CHERP: variants seen among roughly 807,000 people sequenced by gnomAD.
The protein encoded by CHERP is ERPROT 213-21.
In CHERP, 8 loss-of-function variants were observed where a neutral mutation model predicts 113.8. The observed-to-expected ratio is 0.07, with a 90% CI of 0.04 to 0.13. The LOEUF (loss-of-function observed/expected upper bound fraction) is 0.13. Among genes scored for constraint, CHERP ranks in the 10% least tolerant of loss-of-function variants. The pLI, the probability that CHERP is intolerant of heterozygous loss-of-function variation, is 1.00. For missense variants in CHERP, 884 were observed against 1,298.2 expected (o/e 0.68, Z 4.90); for synonymous variants, 559 against 524.5 (o/e 1.07, Z -0.90).
rs139969568 is a variant in CHERP at position 16,527,999 on chromosome 19, G to A, written c.1305+81C>T. On this transcript the variant is annotated intron_variant, in intron 9 of 16. Transcript: ENST00000546361. ...ATTGTTCCCCAGTAAGCCACTCAAC[G>A]CCCACCAACTGGCATAGGGGAGGCT... The A allele has an allele frequency of 5.3e-4, 734 of 1,384,854 alleles. 6 individuals carry two copies. In the South Asian group the frequency reaches 7.7e-3, roughly 14 times the overall value. The allele number at this position is 1,384,854 out of a possible 1,614,324, so 85.8% of individuals were successfully genotyped here.
At chr19:16,526,712 C>G (rs945369058) in intron 9 of CHERP, among the ~76,000 whole-genome samples, 1 of 152,110 alleles carries the variant, frequency 6.6e-6, no homozygotes, top group African/African-American at 2.4e-5. Flanking sequence ...AATGATCTGC[C>G]CACCTCAGCC....
At chr19:16,536,076 G>T (rs1181784719) in intron 2 of CHERP, among the ~76,000 whole-genome samples, 1 of 152,166 alleles carries the variant, frequency 6.6e-6, no homozygotes, top group African/African-American at 2.4e-5. Flanking sequence ...TGACTGTTAA[G>T]ATGTCACAGC....
In CHERP at chr19:16,519,771, G is replaced by T; in HGVS notation, c.2463-56C>A. On this transcript the variant is annotated intron_variant, in intron 15 of 16. Coordinates refer to ENST00000546361, the MANE Select transcript of CHERP (RefSeq NM_006387.6). This position sits in a 1 kb window ranked among gnomAD's most constrained non-coding sequence, Gnocchi z 6.0. ...AAGTAACTGAGACATTTATTGGAAT[G>T]ACAGTGATGAGGACCTCACAGCCGC... 6.9e-7 allele frequency: 1 copy of T among 1,444,344 alleles called. No homozygotes were observed. Among genetic ancestry groups the T allele is most frequent in the Non-Finnish European group, 9.7e-7 (1 of 1,025,814 alleles). The allele number at this position is 1,444,344 out of a possible 1,614,324, so 89.5% of individuals were successfully genotyped here. A position where few individuals can be genotyped will look rare whatever the true frequency, so the allele number is the denominator to read the frequency against.
intron 8 of CHERP, among the ~76,000 whole-genome samples, chr19:16,528,675 C>T (rs1431701698): frequency 1.3e-5 from 2 of 152,138 alleles, no homozygotes; most frequent in African/African-American, 4.8e-5. Flanking sequence ...TTTGCTAGGC[C>T]GGGTGCGGTG....
At position 16,518,714 on chromosome 19, in the gene CHERP, G is replaced by A. The variant is rs2085573324; in HGVS notation, c.*445C>T. 1 of 179,614 alleles carries A rather than the reference G, an allele frequency of 5.6e-6. No individual in the cohort carries two copies. Among genetic ancestry groups the A allele is most frequent in the Non-Finnish European group, 1.1e-5 (1 of 87,044 alleles). The allele number at this position is 179,614 out of a possible 1,614,324, so 11.1% of individuals were successfully genotyped here. On this transcript the variant is annotated 3_prime_UTR_variant, in exon 17 of 17. Coordinates refer to ENST00000546361, the MANE Select transcript of CHERP (RefSeq NM_006387.6). Reference sequence around the variant, plus strand: ...CACAGCCGAGGGGAAGCCAGGTCAGGGCCGGTGGGTGCGGGGAGCTGGAGG... The same window carrying A: ...CACAGCCGAGGGGAAGCCAGGTCAGAGCCGGTGGGTGCGGGGAGCTGGAGG...
Position 16,525,041 on chromosome 19 carries a change from G to A in CHERP, c.1741+201C>T, listed in dbSNP as rs1240925419. The stretch of plus-strand genomic sequence containing the variant: ...GGCTCTGCCTCATCTGCAGCCAGCC[G>A]GGCCTCATCAGGGCGGCAAAACTGA... On this transcript the variant is annotated intron_variant, in intron 10 of 16. Coordinates refer to ENST00000546361, the MANE Select transcript of CHERP (RefSeq NM_006387.6). The surrounding 1 kb of genome is among the most constrained non-coding windows in gnomAD (Gnocchi z 6.5). Among the ~76,000 whole-genome samples, 3 of 152,152 alleles carry A rather than the reference G, an allele frequency of 2.0e-5. No individual in the cohort carries two copies. Among genetic ancestry groups the A allele is most frequent in the Non-Finnish European group, 2.9e-5 (2 of 68,030 alleles).
chr19:16,541,943 G>A lies in CHERP; in HGVS notation c.126C>T (p.Pro42=), dbSNP rs780629272. ...KMTMEKQKDN[P]KFSFLFGGEF... ...CGCCTCCGAAAAGAAACGAGAATTT[G>A]GGGTTGTCCTTCTGCTTCTCCATAG... Residue 42 remains proline, a synonymous_variant, in exon 2 of 17, where the codon CCC becomes CCT. Transcript: ENST00000546361. The A allele has an allele frequency of 4.3e-6, 7 of 1,614,036 alleles. No homozygotes were observed. Among genetic ancestry groups the A allele is most frequent in the Middle Eastern group, 1.7e-4 (1 of 6,052 alleles).
rs756090570 is a variant in CHERP, at chr19:16,530,751, G to A, written c.786+18C>T. The A allele has an allele frequency of 8.7e-6, 14 of 1,613,744 alleles. No individual in the cohort carries two copies. The highest frequency in any genetic ancestry group is 2.7e-5 in the African/African-American group (2 of 74,924). On this transcript the variant is annotated intron_variant, in intron 6 of 16. Transcript: ENST00000546361. The surrounding 1 kb of genome is among the most constrained non-coding windows in gnomAD (Gnocchi z 4.1). ...TGTGTCCCGGTCTTGCCCAACCCCC[G>A]GCCCGGGGCCCACGCACCCGGGCGA... is the stretch of plus-strand genomic sequence containing the variant.
chr19:16,519,729 A>G lies in CHERP; in HGVS notation c.2463-14T>C. 10 of 1,602,840 alleles carry G rather than the reference A, an allele frequency of 6.2e-6. No individual in the cohort carries two copies. The highest frequency in any genetic ancestry group is 8.5e-6 in the Non-Finnish European group (10 of 1,169,936). On this transcript the variant is annotated splice_polypyrimidine_tract_variant and intron_variant, in intron 15 of 16. Transcript: ENST00000546361. The surrounding 1 kb of genome is among the most constrained non-coding windows in gnomAD (Gnocchi z 6.0). ...CCAGCAGAGGAACTAAAATCGAGAC[A>G]GGTTATTCTTTTTAAGAAGTAACTG...
chr19:16,520,713 ATAGGCACAGGCTG>A lies in CHERP; in HGVS notation c.2201+100_2201+112del. The A allele has an allele frequency of 8.2e-7, 1 of 1,223,530 alleles. No individual in the cohort carries two copies. Among genetic ancestry groups the A allele is most frequent in the Non-Finnish European group, 1.2e-6 (1 of 837,950 alleles). 75.8% of individuals were successfully genotyped at this position (1,223,530 alleles called of 1,614,324 possible). A position where few individuals can be genotyped will look rare whatever the true frequency, so the allele number is the denominator to read the frequency against. Reference sequence around the variant, plus strand: ...CAGGCCTTGTGGAAAACACCGCCCCATAGGCACAGGCTGTGTGAGGGTGGACGTGATGAGTGTA... The same window carrying A: ...CAGGCCTTGTGGAAAACACCGCCCCATGTGAGGGTGGACGTGATGAGTGTA... On this transcript the variant is annotated intron_variant, in intron 13 of 16. Coordinates refer to ENST00000546361, the MANE Select transcript of CHERP (RefSeq NM_006387.6). This position sits in a 1 kb window ranked among gnomAD's most constrained non-coding sequence, Gnocchi z 4.0.
Position 16,530,010 on chromosome 19 carries a change from G to C in CHERP, c.877-110C>G, listed in dbSNP as rs2085687959. ...GCAGAGCCTGGGGGACCTGGGGCAG[G>C]TGGACAGGGAACCGTCACGTGAAAC... is the stretch of plus-strand genomic sequence containing the variant. On this transcript the variant is annotated intron_variant, in intron 7 of 16. Coordinates refer to ENST00000546361, the MANE Select transcript of CHERP (RefSeq NM_006387.6). This position sits in a 1 kb window ranked among gnomAD's most constrained non-coding sequence, Gnocchi z 4.1. 1 of 1,405,552 alleles carries C rather than the reference G, an allele frequency of 7.1e-7. No individual in the cohort carries two copies. The highest frequency in any genetic ancestry group is 9.6e-7 in the Non-Finnish European group (1 of 1,045,402). 87.1% of individuals were successfully genotyped at this position (1,405,552 alleles called of 1,614,324 possible).
intron 8 of CHERP, among the ~76,000 whole-genome samples, chr19:16,528,961 AT>A (rs2085675989): frequency 6.6e-6 from 1 of 152,216 alleles, no homozygotes; most frequent in Non-Finnish European, 1.5e-5. Context: ...TCAAAAAAAA[AT>A]CAAAAACAAA....
intron 2 of CHERP, 30 bp downstream of exon 2, chr19:16,541,840 G>A (rs1164480063): frequency 7.5e-6 from 12 of 1,597,940 alleles, no homozygotes; most frequent in African/African-American, 1.4e-5. Flanking sequence ...AGCGCTCGAT[G>A]GGACGGCCTG....
Position 16,518,815 on chromosome 19 carries a change from TC to T in CHERP, c.*343del, listed in dbSNP as rs1273533568. 3.5e-6 allele frequency: 1 copy of T among 286,374 alleles called. No individual in the cohort carries two copies. The highest frequency in any genetic ancestry group is 6.7e-6 in the Non-Finnish European group (1 of 150,284). 17.7% of individuals were successfully genotyped at this position (286,374 alleles called of 1,614,324 possible). ...TCCTCCTGGAGCCTAGGAGGAGGCT[TC>T]AATCTGACTTAGGGCAGATGCACAT... is the stretch of plus-strand genomic sequence containing the variant. On this transcript the variant is annotated 3_prime_UTR_variant, in exon 17 of 17. Transcript: ENST00000546361.
Position 16,529,895 on chromosome 19 carries a change from G to A in CHERP, c.882C>T (p.Thr294=), listed in dbSNP as rs1284706629. The A allele has an allele frequency of 1.2e-6, 2 of 1,613,068 alleles. No individual in the cohort carries two copies. The change falls in exon 8 of 17, where the codon ACC becomes ACT. Residue 294 remains threonine, a synonymous_variant. Transcript: ENST00000546361. ...CCACTGAGGAGTACTCGTTGATGAGGGTGGCCTGAGAGAGAGAAGAGCACC... is the reference window on the plus strand; with the variant it reads ...CCACTGAGGAGTACTCGTTGATGAGAGTGGCCTGAGAGAGAGAAGAGCACC... The part of the protein sequence containing the change: ...PALGLGQYQA[T]LINEYSSVVQ...
chr19:16,519,078 T>G lies in CHERP; in HGVS notation c.*81A>C. 3.1e-6 allele frequency: 4 copies of G among 1,295,190 alleles called. No homozygotes were observed. Among genetic ancestry groups the G allele is most frequent in the Non-Finnish European group, 4.3e-6 (4 of 927,140 alleles). 80.2% of individuals were successfully genotyped at this position (1,295,190 alleles called of 1,614,324 possible). Reference sequence around the variant, plus strand: ...GACGGTGTAAGAACTGAGCTGTCACTGCAATCTTCCTCTGCCAGTCAGCCA... The same window carrying G: ...GACGGTGTAAGAACTGAGCTGTCACGGCAATCTTCCTCTGCCAGTCAGCCA... On this transcript the variant is annotated 3_prime_UTR_variant, in exon 17 of 17. Coordinates refer to ENST00000546361, the MANE Select transcript of CHERP (RefSeq NM_006387.6). This position sits in a 1 kb window ranked among gnomAD's most constrained non-coding sequence, Gnocchi z 6.0.
chr19:16,524,392 T>C (rs1467797662), intron 10 of CHERP, among the ~76,000 whole-genome samples: 1 of 151,764 alleles, frequency 6.6e-6, no homozygotes, highest in African/African-American at 2.4e-5. Flanking sequence ...CTGTCTCTAC[T>C]AAAGACACAA....
Position 16,519,146 on chromosome 19 carries a change from C to G in CHERP, c.*13G>C, listed in dbSNP as rs1036523480. ...GCACCGCTGGCCACCGGCGCGGCTCCCGGCATGGGCGCCTACTTACACTCG... is the reference window on the plus strand; with the variant it reads ...GCACCGCTGGCCACCGGCGCGGCTCGCGGCATGGGCGCCTACTTACACTCG... On this transcript the variant is annotated 3_prime_UTR_variant, in exon 17 of 17. Coordinates refer to ENST00000546361, the MANE Select transcript of CHERP (RefSeq NM_006387.6). This position sits in a 1 kb window ranked among gnomAD's most constrained non-coding sequence, Gnocchi z 6.0. The G allele has an allele frequency of 6.8e-6, 11 of 1,608,544 alleles. No individual in the cohort carries two copies. Among genetic ancestry groups the G allele is most frequent in the Non-Finnish European group, 7.6e-6 (9 of 1,178,232 alleles).
At chr19:16,527,292 T>C (rs1196213333) in intron 9 of CHERP, among the ~76,000 whole-genome samples, 1 of 152,192 alleles carries the variant, frequency 6.6e-6, no homozygotes, top group African/African-American at 2.4e-5. Context: ...GGCCAGCACT[T>C]GGAGGTGGGA....
Sources: allele counts gnomAD v4.1 joint callset (sites outside exome capture counted in the v4.1 genomes callset), GRCh38; gene constraint gnomAD v4.1.1; non-coding constraint Gnocchi (gnomAD v3.1); transcripts MANE v1.5; gene names NCBI Gene and HGNC (gene_info 2026-07-23, HGNC 2026-07-21).